GDPD5: variants seen among roughly 807,000 people sequenced by gnomAD.
The protein encoded by GDPD5 is glycerophosphodiester phosphodiesterase 2.
GDPD5 carries 48 observed loss-of-function variants against 75.1 expected under a neutral mutation model. The observed-to-expected ratio is 0.64, with a 90% CI of 0.51 to 0.81. The LOEUF (loss-of-function observed/expected upper bound fraction) is 0.81, where lower values mean the gene tolerates loss of function less well. GDPD5 is among the 40% of genes least tolerant of loss of function. The pLI, the probability that GDPD5 is intolerant of heterozygous loss-of-function variation, is 0.00. For missense variants in GDPD5, 706 were observed against 822.6 expected (o/e 0.86, Z 1.73); for synonymous variants, 336 against 339.0 (o/e 0.99, Z 0.10).
intron 1 of GDPD5, among the ~76,000 whole-genome samples, chr11:75,494,334 C>T (rs147894988): frequency 0.036 from 5,462 of 151,984 alleles, 235 homozygotes; most frequent in African/African-American, 0.098. Context: ...TTTCCTGCCT[C>T]AGCCTCCCAA....
intron 1 of GDPD5, among the ~76,000 whole-genome samples, chr11:75,519,954 G>A (rs755100601): frequency 2.6e-5 from 4 of 152,210 alleles, no homozygotes; most frequent in African/African-American, 4.8e-5. Context: ...GACGCCAGAC[G>A]GCTTCTCCCA....
chr11:75,509,658 T>TC (rs2135479928), intron 1 of GDPD5, among the ~76,000 whole-genome samples: 1 of 152,310 alleles, frequency 6.6e-6, no homozygotes, highest in African/African-American at 2.4e-5. Flanking sequence ...AGGCGGAGGC[T>TC]CAGAGGCTGA....
At chr11:75,502,895 A>G (rs1950324494) in intron 1 of GDPD5, among the ~76,000 whole-genome samples, 1 of 152,228 alleles carries the variant, frequency 6.6e-6, no homozygotes, top group African/African-American at 2.4e-5. Context: ...CGGGTGCCCC[A>G]GCTCCTCCCC....
intron 2 of GDPD5, among the ~76,000 whole-genome samples, chr11:75,481,066 G>A (rs1425188753): frequency 6.6e-6 from 1 of 152,186 alleles, no homozygotes; most frequent in African/African-American, 2.4e-5. Context: ...TGGCCCACGA[G>A]CCTTATGGTA....
At position 75,461,230 on chromosome 11, in the gene GDPD5, G is replaced by C. The variant is rs544449427; in HGVS notation, c.221+1556C>G. On this transcript the variant is annotated intron_variant, in intron 4 of 16. Transcript: ENST00000336898. ...AGACTCCAGTTCCGAGGAACTGTCT[G>C]GGTCTGCAGTTGAGGGCCAGTAGGG... is the stretch of plus-strand genomic sequence containing the variant. Among the ~76,000 whole-genome samples, 3 of 152,220 alleles carry C rather than the reference G, an allele frequency of 2.0e-5. No homozygotes were observed. In the South Asian group the frequency reaches 6.2e-4, roughly 32 times the overall value.
chr11:75,475,187 T>C lies in GDPD5; in HGVS notation c.117+2432A>G, dbSNP rs115072239. Reference sequence around the variant, plus strand: ...ATGAGAATAAAATGCCTCGTGACTCTCCCACCTTTCAGCCCATTTCACAGA... The same window carrying C: ...ATGAGAATAAAATGCCTCGTGACTCCCCCACCTTTCAGCCCATTTCACAGA... On this transcript the variant is annotated intron_variant, in intron 3 of 16. Transcript: ENST00000336898. Among the ~76,000 whole-genome samples the C allele has an allele frequency of 4.2e-3, 643 of 152,346 alleles. 4 individuals carry two copies. Among genetic ancestry groups the C allele is most frequent in the African/African-American group, 0.015 (620 of 41,570 alleles).
chr11:75,471,413 G>GGGCAATCA (rs1412151636), intron 3 of GDPD5, among the ~76,000 whole-genome samples: 1 of 152,196 alleles, frequency 6.6e-6, no homozygotes, highest in East Asian at 1.9e-4. Flanking sequence ...ACAGAGAGCT[G>GGGCAATCA]GGCAATCAGG....
At chr11:75,450,515 G>A (rs925751772) in intron 6 of GDPD5, 39 of 157,690 alleles carry the variant, frequency 2.5e-4, no homozygotes, top group Non-Finnish European at 4.3e-4. Flanking sequence ...TCAGGCGGGA[G>A]TGGGTGGTGA....
intron 3 of GDPD5, 49 bp from the exon 4 acceptor site, chr11:75,462,938 T>G: frequency 6.8e-7 from 1 of 1,460,720 alleles, no homozygotes; most frequent in Non-Finnish European, 9.5e-7. Context: ...GGCCAGCCCC[T>G]TAGGCTGCCT....
At chr11:75,443,478 CT>C (rs1948892653) in intron 10 of GDPD5, among the ~76,000 whole-genome samples, 192 bp from the exon 11 acceptor site, 2 of 152,314 alleles carry the variant, frequency 1.3e-5, no homozygotes, top group African/African-American at 2.4e-5. Flanking sequence ...GGTCCAATGC[CT>C]TCTGGCTCTC....
intron 15 of GDPD5, chr11:75,437,382 G>A (rs1948654031): frequency 3.4e-6 from 1 of 296,486 alleles, no homozygotes; most frequent in South Asian, 6.4e-5. Flanking sequence ...AGCAGGAGGA[G>A]CTTAGTAGGC....
At chr11:75,512,957 T>C (rs1950559231) in intron 1 of GDPD5, among the ~76,000 whole-genome samples, 1 of 152,200 alleles carries the variant, frequency 6.6e-6, no homozygotes, top group South Asian at 2.1e-4. Context: ...GAAAAATGTT[T>C]CTTACAGTTT....
chr11:75,481,460 CCCTGGGGAGG>C (rs367944168), intron 2 of GDPD5, among the ~76,000 whole-genome samples: 32 of 152,250 alleles, frequency 2.1e-4, no homozygotes, highest in Admixed American at 3.9e-4. Context: ...TTCCGGGGAG[CCCTGGGGAGG>C]CCTGTGGACT....
In GDPD5 at chr11:75,481,575, G is replaced by C. The variant is rs191004620; in HGVS notation, c.-60-3780C>G. On this transcript the variant is annotated intron_variant, in intron 2 of 16. Transcript: ENST00000336898. ...CTCCCATGGGGCTAGAGAGACCATG[G>C]GTGGGGGTTGGTGTAGGGTGCTCTC... 1.4e-4 allele frequency among the ~76,000 whole-genome samples: 22 copies of C among 152,190 alleles called. No homozygotes were observed. In the East Asian group the frequency reaches 3.1e-3, roughly 21 times the overall value.
chr11:75,450,007 C>G, intron 6 of GDPD5, 24 bp from the exon 7 acceptor site: 3 of 1,598,232 alleles, frequency 1.9e-6, no homozygotes, highest in Non-Finnish European at 2.6e-6. Context: ...AGTCACCGGA[C>G]AGAGGCTCAG....
At chr11:75,458,894 T>C (rs898760792) in intron 4 of GDPD5, among the ~76,000 whole-genome samples, 4 of 151,690 alleles carry the variant, frequency 2.6e-5, no homozygotes, top group African/African-American at 9.7e-5. Context: ...GCAATCCTCC[T>C]ACCTCAGCTG....
chr11:75,439,408 A>T, intron 15 of GDPD5: 1 of 455,280 alleles, frequency 2.2e-6, no homozygotes, highest in East Asian at 6.9e-5. Context: ...GAGGAGGGAC[A>T]TGCGCCGATC....
intron 2 of GDPD5, among the ~76,000 whole-genome samples, chr11:75,478,628 G>T (rs992941340): frequency 6.6e-6 from 1 of 152,190 alleles, no homozygotes; most frequent in Admixed American, 6.5e-5. Context: ...TGAAGGCAAG[G>T]ATTTTTGTCT....
intron 2 of GDPD5, among the ~76,000 whole-genome samples, chr11:75,486,496 C>T (rs1025890021): frequency 1.3e-5 from 2 of 152,214 alleles, no homozygotes; most frequent in African/African-American, 4.8e-5. Context: ...ACTTCCCTTA[C>T]AGTAAAATGC....
Sources: allele counts gnomAD v4.1 joint callset (sites outside exome capture counted in the v4.1 genomes callset), GRCh38; gene constraint gnomAD v4.1.1; transcripts MANE v1.5; gene names NCBI Gene and HGNC (gene_info 2026-07-23, HGNC 2026-07-21).